Variants in DDIAS observed in about 807,000 individuals in gnomAD.
DDIAS encodes the protein DNA damage induced apoptosis suppressor.
Under a neutral mutation model 15.7 loss-of-function variants are expected in DDIAS, and 14 were observed. That is an observed-to-expected ratio of 0.89 (90% CI 0.59 to 1.39). The LOEUF is 1.39. Ranked by LOEUF, DDIAS falls within the 40% of genes most tolerant of loss-of-function variation. The pLI is 0.00. For missense variants in DDIAS, 1,035 were observed against 1,130.9 expected (o/e 0.92, Z 1.22); for synonymous variants, 355 against 395.9 (o/e 0.90, Z 1.23).
chr11:82,921,522 G>A (rs1860746974), intron 3 of DDIAS, among the ~76,000 whole-genome samples: 1 of 147,650 alleles, frequency 6.8e-6, no homozygotes. Flanking sequence ...GTGTTTCCAG[G>A]ATTTGTTTCA....
At chr11:82,910,770 C>T (rs1860518631) in intron 1 of DDIAS, among the ~76,000 whole-genome samples, 1 of 151,894 alleles carries the variant, frequency 6.6e-6, no homozygotes, top group African/African-American at 2.4e-5. Flanking sequence ...CTCATACTAC[C>T]ACGCCTGACT....
chr11:82,906,863 C>T (rs1041560389), intron 1 of DDIAS, among the ~76,000 whole-genome samples: 7 of 152,068 alleles, frequency 4.6e-5, no homozygotes, highest in East Asian at 1.9e-4. Context: ...TTATATTTAA[C>T]GCTATGTGAC....
intron 1 of DDIAS, among the ~76,000 whole-genome samples, chr11:82,912,658 G>A (rs1860548783): frequency 6.6e-6 from 1 of 152,140 alleles, no homozygotes; most frequent in African/African-American, 2.4e-5. Flanking sequence ...TTACTTATGT[G>A]TTCACTGGAG....
In DDIAS at chr11:82,932,025, C is replaced by T. The variant is rs1860999446; in HGVS notation, c.687C>T (p.Ser229=). 1.2e-6 allele frequency: 2 copies of T among 1,614,110 alleles called. No homozygotes were observed. The highest frequency in any genetic ancestry group is 4.5e-5 in the East Asian group (2 of 44,882). The change falls in exon 6 of 6, where the codon TCC becomes TCT. Residue 229 remains serine (S), a synonymous_variant. Coordinates refer to ENST00000533655, the MANE Select transcript of DDIAS (RefSeq NM_145018.4). ...ACAGCACTTCTGATTTTTTCAAGTC[C>T]TGCAGCAAGGATACTTTTTCAAAAT... ...TSDSTSDFFK[S]CSKDTFSKFW...
At position 82,933,925 on chromosome 11, in the gene DDIAS, G is replaced by T; in HGVS notation, c.2587G>T (p.Glu863Ter). The T allele has an allele frequency of 6.2e-7, 1 of 1,613,522 alleles. No individual in the cohort carries two copies. The highest frequency in any genetic ancestry group is 8.5e-7 in the Non-Finnish European group (1 of 1,179,888). The change falls in exon 6 of 6, where the codon GAA becomes TAA. Residue 863 changes from glutamate to a stop codon, truncating the protein, a stop_gained. Coordinates refer to ENST00000533655, the MANE Select transcript of DDIAS (RefSeq NM_145018.4). LOFTEE classifies it low-confidence loss of function (END_TRUNC). ...FAECHETDSD[E>*]WVPPTTQKIF... ...TGAGTGCCATGAAACTGATAGTGAT[G>T]AATGGGTCCCTCCTACCACACAAAA...
In DDIAS at chr11:82,933,845, G is replaced by GC. The variant is rs553247583; in HGVS notation, c.2510dup (p.Ile838TyrfsTer18). ...AAAACACCTAGCCAGAAAATCAGAAGCCCTATTGTATCTGGTGTTTCACAA... is the reference window on the plus strand; with the variant it reads ...AAAACACCTAGCCAGAAAATCAGAAGCCCCTATTGTATCTGGTGTTTCACAA... On this transcript the variant is annotated frameshift_variant, in exon 6 of 6. Transcript: ENST00000533655. LOFTEE classifies it low-confidence loss of function (END_TRUNC). 2.1e-4 allele frequency: 340 copies of GC among 1,614,014 alleles called. 1 individual carries two copies. The East Asian group carries it at 6.2e-3, about 29-fold the overall frequency.
At chr11:82,931,444 C>CTAGG (rs1860982643) in intron 5 of DDIAS, among the ~76,000 whole-genome samples, 1 of 152,136 alleles carries the variant, frequency 6.6e-6, no homozygotes, top group Non-Finnish European at 1.5e-5. Flanking sequence ...CTTGACCTCC[C>CTAGG]TAGGCTCTGG....
chr11:82,928,737 T>C (rs1215121089), intron 3 of DDIAS, 40 bp from the exon 4 acceptor site: 1 of 1,596,774 alleles, frequency 6.3e-7, no homozygotes, highest in Non-Finnish European at 8.5e-7. Flanking sequence ...TGAAAAACAT[T>C]TAATGAACAT....
intron 3 of DDIAS, among the ~76,000 whole-genome samples, chr11:82,921,760 G>T (rs957844454): frequency 2.0e-5 from 3 of 151,562 alleles, no homozygotes; most frequent in Non-Finnish European, 2.9e-5. Flanking sequence ...TGTATTTTTA[G>T]TAGAGACAGG....
intron 3 of DDIAS, among the ~76,000 whole-genome samples, chr11:82,923,403 C>T (rs148121739): frequency 6.6e-6 from 1 of 152,210 alleles, no homozygotes; most frequent in Non-Finnish European, 1.5e-5. Flanking sequence ...AAGCTTATGA[C>T]AGAGGAGTTC....
chr11:82,933,914 C>G lies in DDIAS; in HGVS notation c.2576C>G (p.Thr859Ser), dbSNP rs758942773. 1 of 1,613,488 alleles carries G rather than the reference C, an allele frequency of 6.2e-7. No homozygotes were observed. Among genetic ancestry groups the G allele is most frequent in the Non-Finnish European group, 8.5e-7 (1 of 1,179,856 alleles). The change falls in exon 6 of 6, where the codon ACT becomes AGT. Residue 859 changes from threonine to serine, a missense_variant. By Grantham distance (58) the Thr-to-Ser change is moderately conservative. Transcript: ENST00000533655. ...TACCCTTTTGCTGAGTGCCATGAAACTGATAGTGATGAATGGGTCCCTCCT... is the reference window on the plus strand; with the variant it reads ...TACCCTTTTGCTGAGTGCCATGAAAGTGATAGTGATGAATGGGTCCCTCCT... ...NHYPFAECHETDSDEWVPPTT... is the reference protein window; with the variant it reads ...NHYPFAECHESDSDEWVPPTT...
At chr11:82,911,526 C>T (rs1785644397) in intron 1 of DDIAS, among the ~76,000 whole-genome samples, 1 of 152,210 alleles carries the variant, frequency 6.6e-6, no homozygotes, top group Admixed American at 6.5e-5. Context: ...GTCACATCTT[C>T]AGGCTCCACT....
chr11:82,932,310 A>G lies in DDIAS; in HGVS notation c.972A>G (p.Ala324=), dbSNP rs1193782668. ...GCTTACAAGCTAAGGAGCTGAGTGC[A>G]GTTCACAGCAGTCATCATGAAATTG... ...ELGLQAKELS[A]VHSSHHEIGV... Residue 324 remains alanine, a synonymous_variant, in exon 6 of 6, where the codon GCA becomes GCG. Coordinates refer to ENST00000533655, the MANE Select transcript of DDIAS (RefSeq NM_145018.4). 1 of 1,613,914 alleles carries G rather than the reference A, an allele frequency of 6.2e-7. No individual in the cohort carries two copies. Among genetic ancestry groups the G allele is most frequent in the African/African-American group, 1.3e-5 (1 of 74,936 alleles).
chr11:82,926,775 CT>C (rs1860871049), intron 3 of DDIAS, among the ~76,000 whole-genome samples: 2 of 152,126 alleles, frequency 1.3e-5, no homozygotes, highest in Non-Finnish European at 2.9e-5. Flanking sequence ...TTACACCACA[CT>C]AACATTTATT....
intron 1 of DDIAS, among the ~76,000 whole-genome samples, chr11:82,911,789 G>C (rs185695509): frequency 2.4e-4 from 36 of 152,306 alleles, no homozygotes; most frequent in Non-Finnish European, 4.4e-4. Flanking sequence ...GGCAGCTATG[G>C]CCTTAGGAAA....
At chr11:82,924,762 C>T (rs1860823502) in intron 3 of DDIAS, among the ~76,000 whole-genome samples, 1 of 151,930 alleles carries the variant, frequency 6.6e-6, no homozygotes, top group South Asian at 2.1e-4. Context: ...CTTCAGTGAG[C>T]CAAGATCATA....
At position 82,928,857 on chromosome 11, in the gene DDIAS, A is replaced by C; in HGVS notation, c.194A>C (p.Glu65Ala). Residue 65 changes from glutamate to alanine, a missense_variant, in exon 4 of 6, where the codon GAA becomes GCA. Transcript: ENST00000533655. ...YRYKLSLKVA[E>A]SNKLFVITVF... ...TACAAACTTTCCTTAAAAGTTGCAGAATCAAACAAATTGTTTGTTATTACT... is the reference window on the plus strand; with the variant it reads ...TACAAACTTTCCTTAAAAGTTGCAGCATCAAACAAATTGTTTGTTATTACT... The C allele has an allele frequency of 1.2e-6, 2 of 1,612,290 alleles. No homozygotes were observed. The highest frequency in any genetic ancestry group is 1.7e-5 in the Admixed American group (1 of 59,630).
Position 82,932,616 on chromosome 11 carries a change from G to C in DDIAS, c.1278G>C (p.Leu426=), listed in dbSNP as rs1861020269. Residue 426 remains leucine, a synonymous_variant, in exon 6 of 6, where the codon CTG becomes CTC. Transcript: ENST00000533655. ...TCTCTGAAAGCCTGAACAAGTTTCT[G>C]GCAGTTCTTGAAAGTGAGATTGCTG... ...LPFSESLNKF[L]AVLESEIAVT... 6.2e-7 allele frequency: 1 copy of C among 1,614,134 alleles called. No homozygotes were observed.
In DDIAS at chr11:82,933,572, C is replaced by A; in HGVS notation, c.2234C>A (p.Ser745Ter). Residue 745 changes from serine (S) to a stop codon, truncating the protein, a stop_gained, in exon 6 of 6, where the codon TCA becomes TAA. Transcript: ENST00000533655. LOFTEE classifies it low-confidence loss of function (END_TRUNC). ...SLQSLSDSRH[S>*]RTCSPTPHFQ... ...CAAAGCCTATCTGACTCTAGGCATT[C>A]AAGAACATGCTCTCCAACACCTCAT... 1 of 1,614,002 alleles carries A rather than the reference C, an allele frequency of 6.2e-7. No homozygotes were observed. Among genetic ancestry groups the A allele is most frequent in the Non-Finnish European group, 8.5e-7 (1 of 1,179,948 alleles).
Sources: allele counts gnomAD v4.1 joint callset (sites outside exome capture counted in the v4.1 genomes callset), GRCh38; gene constraint gnomAD v4.1.1; transcripts MANE v1.5; gene names NCBI Gene and HGNC (gene_info 2026-07-23, HGNC 2026-07-21).